Variants in ZNF423 observed in about 807,000 individuals in gnomAD.
ZNF423 encodes the protein Ebf-associated zinc finger protein.
ZNF423 carries 12 observed loss-of-function variants against 95.8 expected under a neutral mutation model. That is an observed-to-expected ratio of 0.13 (90% CI 0.08 to 0.20). The LOEUF (loss-of-function observed/expected upper bound fraction) is 0.20, where lower values mean the gene tolerates loss of function less well. Ranked by LOEUF, ZNF423 falls within the 10% of genes least tolerant of loss-of-function variation. The pLI is 1.00. For missense variants in ZNF423, 1,316 were observed against 1,737.1 expected, an observed-to-expected ratio of 0.76 and a Z score of 4.31; for synonymous variants, 749 against 711.9, an observed-to-expected ratio of 1.05 and a Z score of -0.83.
Position 49,566,601 on chromosome 16 carries a change from C to T in ZNF423, c.3602-41107G>A, listed in dbSNP as rs149750283. ...ATCCAGTCTTCCCTCAGAATTGATA[C>T]GGCAGCAGCTGTATCTCTTTCATTT... On this transcript the variant is annotated intron_variant, in intron 5 of 7. Transcript: ENST00000563137. Among the ~76,000 whole-genome samples the T allele has an allele frequency of 1.3e-3, 195 of 152,320 alleles. 3 individuals carry two copies. The East Asian group carries it at 0.03, about 23-fold the overall frequency.
chr16:49,800,252 A>G (rs2034561813), intron 1 of ZNF423, among the ~76,000 whole-genome samples: 1 of 152,042 alleles, frequency 6.6e-6, no homozygotes, highest in African/African-American at 2.4e-5. Context: ...TCAAAAAAAA[A>G]AAAAAAGATA....
At chr16:49,705,347 C>T (rs566804398) in intron 3 of ZNF423, among the ~76,000 whole-genome samples, 24 of 151,982 alleles carry the variant, frequency 1.6e-4, no homozygotes, top group Non-Finnish European at 2.8e-4. Flanking sequence ...AGTATAAAGC[C>T]GATTAAAAGG....
intron 7 of ZNF423, among the ~76,000 whole-genome samples, chr16:49,493,609 G>A (rs950552697): frequency 2.6e-5 from 4 of 152,156 alleles, no homozygotes; most frequent in African/African-American, 7.2e-5. Flanking sequence ...GGAAGAGAGG[G>A]GACATGAGGA....
At chr16:49,532,468 C>G (rs1473424121) in intron 5 of ZNF423, among the ~76,000 whole-genome samples, 1 of 152,206 alleles carries the variant, frequency 6.6e-6, no homozygotes, top group African/African-American at 2.4e-5. Flanking sequence ...CCAGGCCATT[C>G]TGCCCAGAAG....
chr16:49,754,279 G>A (rs772730699), intron 2 of ZNF423, among the ~76,000 whole-genome samples: 7 of 152,262 alleles, frequency 4.6e-5, no homozygotes, highest in Non-Finnish European at 8.8e-5. Context: ...TCAATCTGGC[G>A]TAAGCTCCAA....
intron 5 of ZNF423, among the ~76,000 whole-genome samples, chr16:49,604,599 C>A (rs1971475856): frequency 6.6e-6 from 1 of 152,168 alleles, no homozygotes; most frequent in African/African-American, 2.4e-5. Context: ...AAGGGGCATC[C>A]TGGGTTTGTG....
chr16:49,818,514 A>G (rs528165504), intron 1 of ZNF423, among the ~76,000 whole-genome samples: 2 of 152,164 alleles, frequency 1.3e-5, no homozygotes, highest in African/African-American at 4.8e-5. Flanking sequence ...GTTCAAGTCT[A>G]TAGTGCGCTG....
At position 49,635,797 on chromosome 16, in the gene ZNF423, C is replaced by A. The variant is rs146352545; in HGVS notation, c.3379G>T (p.Gly1127Cys). Reference protein sequence around the residue: ...PPEPADRPCAGLRCPECSVKF... With the variant: ...PPEPADRPCACLRCPECSVKF... Reference sequence around the variant, plus strand: ...ACACTGCACTCGGGGCAACGGAGGCCGGCACAGGGCCGGTCGGCGGGCTCG... The same window carrying A: ...ACACTGCACTCGGGGCAACGGAGGCAGGCACAGGGCCGGTCGGCGGGCTCG... Residue 1127 changes from glycine to cysteine, a missense_variant, in exon 4 of 8, where the codon GGC (glycine) becomes TGC (cysteine). Transcript: ENST00000563137. The surrounding 1 kb of genome is among the most constrained non-coding windows in gnomAD (Gnocchi z 4.8). The A allele has an allele frequency of 8.1e-6, 13 of 1,611,896 alleles. No individual in the cohort carries two copies. The South Asian group carries it at 1.4e-4, about 18-fold the overall frequency.
intron 3 of ZNF423, among the ~76,000 whole-genome samples, chr16:49,701,083 C>A (rs182984597): frequency 3.3e-4 from 50 of 152,332 alleles, no homozygotes; most frequent in African/African-American, 1.1e-3. Context: ...TTTCAGCAAG[C>A]TAGTCAGTGC....
rs758057736 is a variant in ZNF423 at position 49,637,519 on chromosome 16, T to G, written c.1657A>C (p.Ser553Arg). 6.2e-7 allele frequency: 1 copy of G among 1,614,052 alleles called. No homozygotes were observed. ...ACCACCGGAGACTCTAGTTTGGCACTGCCCACACTGCAGTGGGCCTGCTGG... is the reference window on the plus strand; with the variant it reads ...ACCACCGGAGACTCTAGTTTGGCACGGCCCACACTGCAGTGGGCCTGCTGG... ...HIQQAHCSVG[S>R]AKLESPVVQP... The change falls in exon 4 of 8, where the codon AGT becomes CGT. Residue 553 changes from serine (S) to arginine (R), a missense_variant. Coordinates refer to ENST00000563137, the MANE Select transcript of ZNF423 (RefSeq NM_001379286.1). This position sits in a 1 kb window ranked among gnomAD's most constrained non-coding sequence, Gnocchi z 5.6.
At chr16:49,543,974 T>C (rs1463586921) in intron 5 of ZNF423, among the ~76,000 whole-genome samples, 1 of 152,090 alleles carries the variant, frequency 6.6e-6, no homozygotes, top group Non-Finnish European at 1.5e-5. Flanking sequence ...CTGAGTAGAG[T>C]GGGCTGATAG....
intron 3 of ZNF423, among the ~76,000 whole-genome samples, chr16:49,680,615 A>G (rs1215628755): frequency 6.6e-6 from 1 of 152,168 alleles, no homozygotes; most frequent in Non-Finnish European, 1.5e-5. Flanking sequence ...CAGTACTCCC[A>G]GTGGAAGCCA....
At chr16:49,621,647 T>G (rs1006799418) in intron 5 of ZNF423, among the ~76,000 whole-genome samples, 1 of 152,106 alleles carries the variant, frequency 6.6e-6, no homozygotes, top group Admixed American at 6.5e-5. Flanking sequence ...CTGGTGCCAC[T>G]AAGGGGGACT....
chr16:49,489,967 C>G lies in ZNF423; in HGVS notation c.*1308G>C, dbSNP rs1366650400. ...GTAAAATGCAAGAGGACACCCATTC[C>G]CAGCACTTGCAGGTGTAGGGGGGCC... On this transcript the variant is annotated 3_prime_UTR_variant, in exon 8 of 8. Coordinates refer to ENST00000563137, the MANE Select transcript of ZNF423 (RefSeq NM_001379286.1). 2 of 152,198 alleles carry G rather than the reference C, an allele frequency of 1.3e-5. No individual in the cohort carries two copies. The highest frequency in any genetic ancestry group is 4.8e-5 in the African/African-American group (2 of 41,408). 9.4% of individuals were successfully genotyped at this position (152,198 alleles called of 1,614,324 possible). A position where few individuals can be genotyped will look rare whatever the true frequency, so the allele number is the denominator to read the frequency against.
intron 5 of ZNF423, among the ~76,000 whole-genome samples, chr16:49,607,660 T>C (rs990891745): frequency 6.6e-6 from 1 of 152,258 alleles, no homozygotes; most frequent in African/African-American, 2.4e-5. Flanking sequence ...CCATAATTAA[T>C]TCACACATTC....
At chr16:49,854,439 G>A in intron 1 of ZNF423, 1 of 985,444 alleles carries the variant, frequency 1.0e-6, no homozygotes, top group Non-Finnish European at 1.2e-6. Context: ...GGCAGGAAGG[G>A]AGCGGGGCCC....
In ZNF423 at chr16:49,810,531, C is replaced by T. The variant is rs1426183911; in HGVS notation, c.41-20985G>A. 2.6e-5 allele frequency among the ~76,000 whole-genome samples: 4 copies of T among 152,132 alleles called. No individual in the cohort carries two copies. The East Asian group carries it at 7.7e-4, about 29-fold the overall frequency. The stretch of plus-strand genomic sequence containing the variant: ...TGAGACCCCTGGGCGCATCAGGGTC[C>T]CCTATGCTGTGAGCTCCCTGAGGGA... On this transcript the variant is annotated intron_variant, in intron 1 of 7. Transcript: ENST00000563137.
intron 5 of ZNF423, among the ~76,000 whole-genome samples, chr16:49,533,635 C>A: frequency 6.6e-6 from 1 of 152,198 alleles, no homozygotes; most frequent in Non-Finnish European, 1.5e-5. Context: ...GCTCAGCGGA[C>A]GGCCCCCGAC....
chr16:49,549,340 C>A (rs867272761), intron 5 of ZNF423, among the ~76,000 whole-genome samples: 54 of 152,264 alleles, frequency 3.5e-4, no homozygotes, highest in African/African-American at 1.3e-3. Flanking sequence ...CTGCACCCCC[C>A]AGAGCAGACA....
Sources: allele counts gnomAD v4.1 joint callset (sites outside exome capture counted in the v4.1 genomes callset), GRCh38; gene constraint gnomAD v4.1.1; non-coding constraint Gnocchi (gnomAD v3.1); transcripts MANE v1.5; gene names NCBI Gene and HGNC (gene_info 2026-07-23, HGNC 2026-07-21).